The following CNTNAP4 variants were observed in gnomAD, a reference collection of about 807,000 sequenced individuals.
CNTNAP4 encodes the protein contactin associated protein family member 4, also known as contactin-associated protein-like 4.
A neutral mutation model predicts 148.4 loss-of-function variants in CNTNAP4; 98 were observed. The ratio of observed to expected loss-of-function variants is 0.66; its 90% CI spans 0.56 to 0.78. The LOEUF (loss-of-function observed/expected upper bound fraction) is 0.78. Ranked by LOEUF, CNTNAP4 falls within the 30% of genes least tolerant of loss-of-function variation. CNTNAP4 has a pLI of 0.00. For missense variants in CNTNAP4, 1,935 were observed against 1,565.6 expected, an observed-to-expected ratio of 1.24 and a Z score of -3.98; for synonymous variants, 730 against 565.1, an observed-to-expected ratio of 1.29 and a Z score of -4.14.
At chr16:76,298,958 G>C (rs1959630914) in intron 1 of CNTNAP4, among the ~76,000 whole-genome samples, 1 of 152,080 alleles carries the variant, frequency 6.6e-6, no homozygotes, top group African/African-American at 2.4e-5. Context: ...ACCTGGTAGG[G>C]ACTTCTAACT....
chr16:76,326,610 A>G (rs1962999147), intron 2 of CNTNAP4, among the ~76,000 whole-genome samples: 1 of 152,320 alleles, frequency 6.6e-6, no homozygotes, highest in Admixed American at 6.5e-5. Flanking sequence ...ATGGAATACT[A>G]TGCAGCCATA....
chr16:76,420,700 G>A (rs7184119), intron 3 of CNTNAP4, among the ~76,000 whole-genome samples: 54,831 of 151,756 alleles, frequency 0.36, 11,294 homozygotes, highest in Non-Finnish European at 0.44. Context: ...CAACAACAAC[G>A]AAACTACCCA....
At chr16:76,485,606 C>G (rs1449882974) in intron 12 of CNTNAP4, among the ~76,000 whole-genome samples, 1 of 152,174 alleles carries the variant, frequency 6.6e-6, no homozygotes, top group Non-Finnish European at 1.5e-5. Context: ...ATTACTGAGA[C>G]TCCTGGGTTT....
chr16:76,397,712 T>C (rs2078250060), intron 3 of CNTNAP4, among the ~76,000 whole-genome samples: 1 of 151,700 alleles, frequency 6.6e-6, no homozygotes, highest in African/African-American at 2.4e-5. Flanking sequence ...GTACTAGTGC[T>C]ACAGTCAATT....
At chr16:76,520,175 C>G (rs1246788554) in intron 15 of CNTNAP4, among the ~76,000 whole-genome samples, 3 of 152,152 alleles carry the variant, frequency 2.0e-5, no homozygotes, top group East Asian at 1.9e-4. Flanking sequence ...TGGCAGCAGA[C>G]AATACAGAGT....
chr16:76,386,556 C>T (rs572199013), intron 3 of CNTNAP4, among the ~76,000 whole-genome samples: 2 of 152,268 alleles, frequency 1.3e-5, no homozygotes, highest in South Asian at 4.1e-4. Context: ...CAGCTGATTA[C>T]TGTCTTATTT....
At chr16:76,378,717 C>G (rs1449048121) in intron 3 of CNTNAP4, among the ~76,000 whole-genome samples, 2 of 152,194 alleles carry the variant, frequency 1.3e-5, no homozygotes, top group African/African-American at 4.8e-5. Context: ...ATCTCACATA[C>G]TTTCCTTAAG....
At chr16:76,374,632 G>T (rs1054709791) in intron 3 of CNTNAP4, among the ~76,000 whole-genome samples, 1 of 151,652 alleles carries the variant, frequency 6.6e-6, no homozygotes, top group African/African-American at 2.4e-5. Flanking sequence ...CACAAACATT[G>T]AATTTCCGTG....
At chr16:76,443,796 A>T (rs371800943) in intron 4 of CNTNAP4, among the ~76,000 whole-genome samples, 1 of 152,106 alleles carries the variant, frequency 6.6e-6, no homozygotes, top group African/African-American at 2.4e-5. Flanking sequence ...TCACCCTGAA[A>T]TTTTTTATTT....
At chr16:76,439,552 G>A (rs900197516) in intron 4 of CNTNAP4, among the ~76,000 whole-genome samples, 14 of 152,244 alleles carry the variant, frequency 9.2e-5, no homozygotes, top group Admixed American at 7.9e-4. Flanking sequence ...ATCCTCCGGT[G>A]ATGCATTCAA....
chr16:76,505,006 A>T (rs1486635786), intron 15 of CNTNAP4, among the ~76,000 whole-genome samples: 3 of 152,206 alleles, frequency 2.0e-5, no homozygotes, highest in Non-Finnish European at 4.4e-5. Flanking sequence ...GAACTCTGGT[A>T]CATTGCACTA....
At chr16:76,319,220 T>A (rs527445027) in intron 2 of CNTNAP4, among the ~76,000 whole-genome samples, 20 of 152,224 alleles carry the variant, frequency 1.3e-4, no homozygotes, top group Admixed American at 1.2e-3. Flanking sequence ...CAAAACTCTG[T>A]CTCTACTACA....
At chr16:76,329,572 C>G (rs1278337578) in intron 2 of CNTNAP4, among the ~76,000 whole-genome samples, 1 of 152,088 alleles carries the variant, frequency 6.6e-6, no homozygotes, top group Non-Finnish European at 1.5e-5. Flanking sequence ...TTTCGATTCT[C>G]AAATAAGACA....
intron 15 of CNTNAP4, among the ~76,000 whole-genome samples, chr16:76,507,552 T>A (rs60866391): frequency 0.67 from 64,229 of 96,060 alleles, 27,471 homozygotes; most frequent in East Asian, 0.88. Context: ...AAATGATGGA[T>A]TCTCATTTTA....
intron 3 of CNTNAP4, among the ~76,000 whole-genome samples, chr16:76,385,095 A>C (rs1192297014): frequency 6.6e-6 from 1 of 152,252 alleles, no homozygotes; most frequent in Non-Finnish European, 1.5e-5. Context: ...TTTACATGAC[A>C]GGAGCATAAT....
rs534727590 is a variant in CNTNAP4, at chr16:76,530,040, AT to A, written c.2756-5497del. Among the ~76,000 whole-genome samples, 376 of 151,776 alleles carry A rather than the reference AT, an allele frequency of 2.5e-3. 2 individuals carry two copies. Among genetic ancestry groups the A allele is most frequent in the Non-Finnish European group, 4.3e-3 (291 of 67,902 alleles). ...TGCCCGTTTTCTATGAGATTGTCTT[AT>A]TTTTTTTAAAAAAAACTTCATAAGA... On this transcript the variant is annotated intron_variant, in intron 17 of 23. Transcript: ENST00000611870.
At chr16:76,278,108 G>C (rs1314243206) in intron 1 of CNTNAP4, among the ~76,000 whole-genome samples, 1 of 152,118 alleles carries the variant, frequency 6.6e-6, no homozygotes, top group Non-Finnish European at 1.5e-5. Context: ...AATTTTATTG[G>C]AATTATGTCT....
intron 2 of CNTNAP4, among the ~76,000 whole-genome samples, chr16:76,337,975 A>G (rs570749090): frequency 1.3e-5 from 2 of 152,246 alleles, no homozygotes; most frequent in South Asian, 4.2e-4. Context: ...GGGTGCCCTG[A>G]TTTCATATTG....
chr16:76,398,284 TA>T (rs1268059148), intron 3 of CNTNAP4, among the ~76,000 whole-genome samples: 1 of 151,864 alleles, frequency 6.6e-6, no homozygotes, highest in African/African-American at 2.4e-5. Flanking sequence ...ACTCAAATGT[TA>T]ATCTCCTTTG....
Sources: gnomAD v4.1 joint callset for allele counts (sites outside exome capture counted in the v4.1 genomes callset) on GRCh38, gnomAD v4.1.1 for gene constraint, MANE v1.5 for transcripts, NCBI Gene and HGNC (gene_info 2026-07-23, HGNC 2026-07-21) for gene names.